Variants in OTOL1 observed in about 807,000 individuals in gnomAD.
OTOL1 encodes otolin 1, also known as otolin-1.
Under a neutral mutation model 25.0 loss-of-function variants are expected in OTOL1, and 31 were observed. The ratio of observed to expected loss-of-function variants is 1.24; its 90% CI spans 0.93 to 1.67. The LOEUF (loss-of-function observed/expected upper bound fraction) is 1.67. OTOL1 is among the 40% of genes most tolerant of loss of function. The pLI is 0.00. For missense variants in OTOL1, 654 were observed against 587.7 expected (o/e 1.11, Z -1.17); for synonymous variants, 225 against 210.3 (o/e 1.07, Z -0.61).
chr3:161,498,731 T>C (rs545584096), intron 1 of OTOL1, among the ~76,000 whole-genome samples: 4 of 152,208 alleles, frequency 2.6e-5, no homozygotes, highest in Non-Finnish European at 5.9e-5. Flanking sequence ...GCTGCATTCC[T>C]AACACCTTGC....
Position 161,503,458 on chromosome 3 carries a change from G to T in OTOL1, c.950G>T (p.Gly317Val), listed in dbSNP as rs1316877263. The T allele has an allele frequency of 1.5e-5, 25 of 1,613,706 alleles. No homozygotes were observed. Among genetic ancestry groups the T allele is most frequent in the Non-Finnish European group, 2.1e-5 (25 of 1,179,762 alleles). The change falls in exon 4 of 4, where the codon GGG (glycine) becomes GTG (valine). Residue 317 changes from glycine (G) to valine (V), a missense_variant. Coordinates refer to ENST00000327928, the MANE Select transcript of OTOL1 (RefSeq NM_001080440.1). Reference protein sequence around the residue: ...TGPKGDIGNKGVRGPTGKKGS... With the variant: ...TGPKGDIGNKVVRGPTGKKGS... ...CCGAAGGGTGACATTGGCAACAAAGGGGTCCGAGGCCCCACTGGGAAGAAG... is the reference window on the plus strand; with the variant it reads ...CCGAAGGGTGACATTGGCAACAAAGTGGTCCGAGGCCCCACTGGGAAGAAG...
At chr3:161,499,810 T>C (rs957197185) in intron 2 of OTOL1, among the ~76,000 whole-genome samples, 1 of 152,150 alleles carries the variant, frequency 6.6e-6, no homozygotes, top group East Asian at 1.9e-4. Flanking sequence ...AATAATGACA[T>C]TGGGCAAGTC....
chr3:161,502,158 G>C, intron 2 of OTOL1, 149 bp from the exon 3 acceptor site: 2 of 702,002 alleles, frequency 2.8e-6, no homozygotes, highest in Non-Finnish European at 4.9e-6. Context: ...GTGAGCCGCC[G>C]TGCCTGGCGT....
At chr3:161,499,809 A>G (rs1379290529) in intron 2 of OTOL1, among the ~76,000 whole-genome samples, 5 of 152,148 alleles carry the variant, frequency 3.3e-5, no homozygotes, top group African/African-American at 1.2e-4. Flanking sequence ...TAATAATGAC[A>G]TTGGGCAAGT....
chr3:161,497,261 C>G (rs763573405), intron 1 of OTOL1, 90 bp downstream of exon 1: 50 of 1,454,188 alleles, frequency 3.4e-5, no homozygotes, highest in Non-Finnish European at 4.6e-5. Flanking sequence ...CCAGGAGTTT[C>G]TACGTTGTTA....
At chr3:161,501,716 T>C (rs1224559031) in intron 2 of OTOL1, among the ~76,000 whole-genome samples, 1 of 151,840 alleles carries the variant, frequency 6.6e-6, no homozygotes, top group Non-Finnish European at 1.5e-5. Flanking sequence ...CATGAATACA[T>C]ATATATATAA....
intron 2 of OTOL1, 89 bp from the exon 3 acceptor site, chr3:161,502,218 A>G: frequency 8.0e-7 from 1 of 1,250,654 alleles, no homozygotes; most frequent in South Asian, 1.3e-5. Context: ...GTTAAAGAAA[A>G]CACTAGAATG....
intron 2 of OTOL1, among the ~76,000 whole-genome samples, chr3:161,501,203 A>G (rs1159436026): frequency 1.3e-5 from 2 of 152,138 alleles, no homozygotes; most frequent in African/African-American, 4.8e-5. Context: ...TGCTATATGA[A>G]CCTGTGTGCT....
intron 2 of OTOL1, among the ~76,000 whole-genome samples, chr3:161,501,557 G>A (rs947842081): frequency 7.3e-5 from 11 of 150,948 alleles, no homozygotes; most frequent in East Asian, 1.9e-4. Flanking sequence ...TTTTTTTCCC[G>A]GACTTTTTTT....
At chr3:161,497,600 G>A (rs184942288) in intron 1 of OTOL1, among the ~76,000 whole-genome samples, 2 of 152,084 alleles carry the variant, frequency 1.3e-5, no homozygotes, top group Non-Finnish European at 2.9e-5. Flanking sequence ...TTTAAAAAGG[G>A]TAAATGAAAC....
At chr3:161,500,193 T>A (rs937791840) in intron 2 of OTOL1, among the ~76,000 whole-genome samples, 3 of 152,180 alleles carry the variant, frequency 2.0e-5, no homozygotes, top group African/African-American at 7.2e-5. Context: ...CCTAACTCAT[T>A]TCTGGTAGAA....
intron 2 of OTOL1, 76 bp downstream of exon 2, chr3:161,499,336 A>T: frequency 9.1e-7 from 1 of 1,102,860 alleles, no homozygotes; most frequent in South Asian, 1.5e-5. Context: ...CTACTTAAAG[A>T]CTAGATTCTT....
At position 161,503,204 on chromosome 3, in the gene OTOL1, G is replaced by C. The variant is rs1349567490; in HGVS notation, c.696G>C (p.Met232Ile). Residue 232 changes from methionine (M) to isoleucine (I), a missense_variant, in exon 4 of 4, where the codon ATG becomes ATC. Coordinates refer to ENST00000327928, the MANE Select transcript of OTOL1 (RefSeq NM_001080440.1). ...GCGCCAAGGGAGAGAAGGGGGAGAT[G>C]GGGGAGAAGGGGGAGATGGGGGATA... ...GPGAKGEKGE[M>I]GEKGEMGDKG... is the part of the protein sequence containing the mutation. 2.1e-6 allele frequency: 3 copies of C among 1,452,474 alleles called. No homozygotes were observed. The highest frequency in any genetic ancestry group is 5.7e-5 in the Admixed American group (2 of 34,800). The allele number at this position is 1,452,474 out of a possible 1,614,324, so 90.0% of individuals were successfully genotyped here.
Position 161,503,903 on chromosome 3 carries a change from C to G in OTOL1, c.1395C>G (p.Phe465Leu). The G allele has an allele frequency of 6.2e-7, 1 of 1,613,260 alleles. No individual in the cohort carries two copies. Among genetic ancestry groups the G allele is most frequent in the Non-Finnish European group, 8.5e-7 (1 of 1,179,616 alleles). ...SAEDDSIFTG[F>L]LLYPEETSGI... ...AGGATGACAGCATTTTTACTGGGTT[C>G]CTTTTGTACCCAGAGGAAACTTCTG... is the stretch of plus-strand genomic sequence containing the variant. The change falls in exon 4 of 4, where the codon TTC becomes TTG. Residue 465 changes from phenylalanine to leucine, a missense_variant. By Grantham distance (22) the Phe-to-Leu change is conservative. Transcript: ENST00000327928.
Position 161,503,805 on chromosome 3 carries a change from T to C in OTOL1, c.1297T>C (p.Leu433=), listed in dbSNP as rs1719043690. The C allele has an allele frequency of 1.2e-6, 2 of 1,613,820 alleles. No individual in the cohort carries two copies. Among genetic ancestry groups the C allele is most frequent in the Non-Finnish European group, 8.5e-7 (1 of 1,179,884 alleles). The stretch of plus-strand genomic sequence containing the variant: ...AGACCAGGCCTCTCTCCTCGTCATC[T>C]TGAAATTAAGTGCAGGAGACCAAGT... ...EIDQASLLVI[L]KLSAGDQVWL... The change falls in exon 4 of 4, where the codon TTG becomes CTG. Residue 433 remains leucine, a synonymous_variant. Transcript: ENST00000327928.
intron 3 of OTOL1, 128 bp downstream of exon 3, chr3:161,502,497 A>G: frequency 1.2e-6 from 1 of 817,510 alleles, no homozygotes. Context: ...TTCTTCTAAT[A>G]ATTCAGTGTA....
chr3:161,502,272 T>C (rs372051931), intron 2 of OTOL1, 35 bp from the exon 3 acceptor site: 214 of 1,536,752 alleles, frequency 1.4e-4, no homozygotes, highest in Non-Finnish European at 1.8e-4. Flanking sequence ...ATAAATGATG[T>C]AGTTGGTAAA....
At position 161,503,687 on chromosome 3, in the gene OTOL1, T is replaced by C. The variant is rs769404499; in HGVS notation, c.1179T>C (p.His393=). ...CTGGGACATATGTTTTTTCCTACCA[T>C]ATTACGGTGAGGGGGCGACCTGCTC... ...SIPGTYVFSY[H]ITVRGRPARI... Residue 393 remains histidine (H), a synonymous_variant, in exon 4 of 4, where the codon CAT becomes CAC. Transcript: ENST00000327928. 1.2e-6 allele frequency: 2 copies of C among 1,613,634 alleles called. No homozygotes were observed. The highest frequency in any genetic ancestry group is 3.3e-5 in the Admixed American group (2 of 59,982).
Position 161,503,162 on chromosome 3 carries a change from C to T in OTOL1, c.654C>T (p.Gly218=), listed in dbSNP as rs1719016892. The change falls in exon 4 of 4, where the codon GGC becomes GGT. Residue 218 remains glycine, a synonymous_variant. Coordinates refer to ENST00000327928, the MANE Select transcript of OTOL1 (RefSeq NM_001080440.1). ...KGDQGAMGSP[G]LHGGPGAKGE... is the part of the protein sequence containing the mutation. The stretch of plus-strand genomic sequence containing the variant: ...ACCAAGGGGCTATGGGCTCACCTGG[C>T]CTGCACGGAGGGCCTGGCGCCAAGG... 2.1e-6 allele frequency: 3 copies of T among 1,462,104 alleles called. No individual in the cohort carries two copies. Among genetic ancestry groups the T allele is most frequent in the African/African-American group, 1.5e-5 (1 of 67,346 alleles). The allele number at this position is 1,462,104 out of a possible 1,614,324, so 90.6% of individuals were successfully genotyped here. A position where few individuals can be genotyped will look rare whatever the true frequency, so the allele number is the denominator to read the frequency against.
Sources: gnomAD v4.1 joint callset for allele counts (sites outside exome capture counted in the v4.1 genomes callset) on GRCh38, gnomAD v4.1.1 for gene constraint, MANE v1.5 for transcripts, NCBI Gene and HGNC (gene_info 2026-07-23, HGNC 2026-07-21) for gene names.